The following FGF14 variants were observed in gnomAD, a reference collection of about 807,000 sequenced individuals.
The protein encoded by FGF14 is fibroblast growth factor homologous factor 4.
In FGF14, 5 loss-of-function variants were observed where a neutral mutation model predicts 25.5. The ratio of observed to expected loss-of-function variants is 0.20; its 90% CI spans 0.10 to 0.41. The LOEUF (loss-of-function observed/expected upper bound fraction) is 0.41, where lower values mean the gene tolerates loss of function less well. FGF14 is among the 10% of genes least tolerant of loss of function. The pLI is 1.00. For missense variants in FGF14, 222 were observed against 320.1 expected, an observed-to-expected ratio of 0.69 and a Z score of 2.34; for synonymous variants, 138 against 118.3, an observed-to-expected ratio of 1.17 and a Z score of -1.08.
intron 3 of FGF14, among the ~76,000 whole-genome samples, chr13:101,750,650 A>C (rs2037211491): frequency 6.6e-6 from 1 of 152,166 alleles, no homozygotes; most frequent in African/African-American, 2.4e-5. Flanking sequence ...TATGGTCACC[A>C]GAAAAGATAA....
Position 101,712,338 on chromosome 13 carries a change from A to T in FGF14, c.*10493T>A, listed in dbSNP as rs959662196. ...GCGACTAGTAGACTTTCAGAACTGG[A>T]ATTTACTCATCAAATGTTCTATCCA... On this transcript the variant is annotated 3_prime_UTR_variant, in exon 5 of 5. Coordinates refer to ENST00000376143, the MANE Select transcript of FGF14 (RefSeq NM_004115.4). 3 of 152,154 alleles carry T rather than the reference A, an allele frequency of 2.0e-5. No individual in the cohort carries two copies. Among genetic ancestry groups the T allele is most frequent in the Admixed American group, 6.5e-5 (1 of 15,272 alleles). 9.4% of individuals were successfully genotyped at this position (152,154 alleles called of 1,614,324 possible).
chr13:102,306,399 A>C (rs1348494134), intron 1 of FGF14, among the ~76,000 whole-genome samples: 1 of 145,070 alleles, frequency 6.9e-6, no homozygotes, highest in Non-Finnish European at 1.5e-5. Flanking sequence ...ATCATGCTTG[A>C]GAGAAGGCAG....
intron 1 of FGF14, among the ~76,000 whole-genome samples, chr13:102,088,498 T>C (rs1164736670): frequency 6.6e-6 from 1 of 152,188 alleles, no homozygotes; most frequent in Admixed American, 6.5e-5. Flanking sequence ...GCAGTGTTAT[T>C]TTATTCATCA....
intron 1 of FGF14, among the ~76,000 whole-genome samples, chr13:101,900,372 C>T (rs1190346367): frequency 6.6e-6 from 1 of 151,874 alleles, no homozygotes; most frequent in African/African-American, 2.4e-5. Context: ...TAGGAAAAAT[C>T]AGCTAAGCCA....
chr13:101,805,934 T>C (rs1334110266), intron 3 of FGF14, among the ~76,000 whole-genome samples: 1 of 152,036 alleles, frequency 6.6e-6, no homozygotes, highest in East Asian at 1.9e-4. Context: ...ATATGACATA[T>C]GTATATTCAA....
At chr13:101,730,953 G>A (rs2035770639) in intron 3 of FGF14, among the ~76,000 whole-genome samples, 1 of 152,176 alleles carries the variant, frequency 6.6e-6, no homozygotes, top group Admixed American at 6.5e-5. Context: ...TAGATCTTTA[G>A]AAGATCTGAT....
Position 102,289,873 on chromosome 13 carries a change from G to GTC in FGF14, c.208+111596_208+111597dup, listed in dbSNP as rs997417957. On this transcript the variant is annotated intron_variant, in intron 1 of 4. Transcript: ENST00000376131. The stretch of plus-strand genomic sequence containing the variant: ...TGTTCGTGTGTGAATGATTTTTTTG[G>GTC]TCTCTCTCTCTCTCTCTTTCCCTCC... 2.6e-4 allele frequency among the ~76,000 whole-genome samples: 39 copies of GTC among 149,412 alleles called. No homozygotes were observed. In the East Asian group the frequency reaches 3.4e-3, roughly 13 times the overall value.
At chr13:102,153,749 G>A (rs1430485365) in intron 1 of FGF14, among the ~76,000 whole-genome samples, 1 of 152,082 alleles carries the variant, frequency 6.6e-6, no homozygotes, top group African/African-American at 2.4e-5. Context: ...TCTACTCTCA[G>A]AGTTAGCAAT....
At chr13:101,802,561 C>T (rs1300692442) in intron 3 of FGF14, 1 of 153,604 alleles carries the variant, frequency 6.5e-6, no homozygotes, top group African/African-American at 2.4e-5. Flanking sequence ...ATGACAAAAT[C>T]TGATCAGAAT....
rs1175088248 is a variant in FGF14, at chr13:102,161,721, G to GAAGAAT, written c.208+239744_208+239749dup. Among the ~76,000 whole-genome samples, 16 of 149,844 alleles carry GAAGAAT rather than the reference G, an allele frequency of 1.1e-4. 1 individual carries two copies. The highest frequency in any genetic ancestry group is 2.1e-4 in the South Asian group (1 of 4,704). On this transcript the variant is annotated intron_variant, in intron 1 of 4. Coordinates refer to the FGF14 transcript ENST00000376131. ...AGAAGAAGAAGAAGAAGAAGAAGAA[G>GAAGAAT]AAGAATAGAAATGTGTTTAAGAATT...
chr13:101,966,193 C>A, intron 1 of FGF14, among the ~76,000 whole-genome samples: 1 of 152,116 alleles, frequency 6.6e-6, no homozygotes, highest in East Asian at 1.9e-4. Flanking sequence ...GAAATGAGGT[C>A]ATCAGGGTGG....
At chr13:101,894,023 CT>C (rs60213924) in intron 1 of FGF14, among the ~76,000 whole-genome samples, 48,278 of 143,794 alleles carry the variant, frequency 0.34, 8,491 homozygotes, top group African/African-American at 0.45. Context: ...CCTTTCCTGG[CT>C]TTTTTTTTTT....
chr13:101,782,979 T>C (rs1413922731), intron 3 of FGF14, among the ~76,000 whole-genome samples: 1 of 152,194 alleles, frequency 6.6e-6, no homozygotes, highest in African/African-American at 2.4e-5. Context: ...ATTGAACTAA[T>C]TTACACTCCC....
chr13:102,363,105 T>C (rs111633477), intron 1 of FGF14, among the ~76,000 whole-genome samples: 8 of 152,304 alleles, frequency 5.3e-5, no homozygotes, highest in African/African-American at 1.9e-4. Flanking sequence ...TAAAATTCAA[T>C]GTTTTAAGCG....
At chr13:102,287,870 T>A (rs978572786) in intron 1 of FGF14, among the ~76,000 whole-genome samples, 1 of 152,226 alleles carries the variant, frequency 6.6e-6, no homozygotes, top group Non-Finnish European at 1.5e-5. Flanking sequence ...TCTAATCGTC[T>A]TCTTATTCCA....
intron 1 of FGF14, among the ~76,000 whole-genome samples, chr13:102,094,320 C>A (rs1372822645): frequency 2.6e-5 from 4 of 152,020 alleles, no homozygotes; most frequent in Non-Finnish European, 5.9e-5. Flanking sequence ...TTAATACCAG[C>A]AAAGGATGGT....
chr13:101,792,856 T>A (rs948458604), intron 3 of FGF14, among the ~76,000 whole-genome samples: 1 of 152,118 alleles, frequency 6.6e-6, no homozygotes, highest in African/African-American at 2.4e-5. Context: ...TTTCATTTTT[T>A]AAAAAATTTG....
Position 102,362,958 on chromosome 13 carries a change from T to C in FGF14, c.208+38513A>G, listed in dbSNP as rs16960106. Among the ~76,000 whole-genome samples, 821 of 152,206 alleles carry C rather than the reference T, an allele frequency of 5.4e-3. 10 individuals are homozygous for C. Among genetic ancestry groups the C allele is most frequent in the African/African-American group, 0.019 (782 of 41,554 alleles). On this transcript the variant is annotated intron_variant, in intron 1 of 4. Transcript: ENST00000376131. Reference sequence around the variant, plus strand: ...TGGAAAAGGTTACTTTATTGAAGTGTTGAAAAAGAGAATGATTTACTTTCT... The same window carrying C: ...TGGAAAAGGTTACTTTATTGAAGTGCTGAAAAAGAGAATGATTTACTTTCT...
intron 1 of FGF14, among the ~76,000 whole-genome samples, chr13:102,179,623 A>G (rs573286952): frequency 6.6e-6 from 1 of 152,150 alleles, no homozygotes; most frequent in African/African-American, 2.4e-5. Context: ...ATTTCAGGGA[A>G]GTAAATTGAG....
Sources: gnomAD v4.1 joint callset for allele counts (sites outside exome capture counted in the v4.1 genomes callset) on GRCh38, gnomAD v4.1.1 for gene constraint, MANE v1.5 for transcripts, NCBI Gene and HGNC (gene_info 2026-07-23, HGNC 2026-07-21) for gene names.